SLC35F4: variants seen among roughly 807,000 people sequenced by gnomAD.
The protein encoded by SLC35F4 is chromosome 14 open reading frame 36.
SLC35F4 carries 24 observed loss-of-function variants against 44.2 expected under a neutral mutation model. That is an observed-to-expected ratio of 0.54 (90% CI 0.39 to 0.76). The LOEUF (loss-of-function observed/expected upper bound fraction) is 0.76, where lower values mean the gene tolerates loss of function less well. SLC35F4 is among the 30% of genes least tolerant of loss of function. The probability of loss-of-function intolerance (pLI) is 0.00; values close to 1 mark genes in which losing one functional copy is unlikely to be tolerated. For missense variants in SLC35F4, 562 were observed against 586.1 expected (o/e 0.96, Z 0.42); for synonymous variants, 238 against 223.6 (o/e 1.06, Z -0.57).
At chr14:57,727,103 A>T (rs570005689) in intron 1 of SLC35F4, among the ~76,000 whole-genome samples, 1 of 148,826 alleles carries the variant, frequency 6.7e-6, no homozygotes, top group Non-Finnish European at 1.5e-5. Context: ...GTGAGTTAAT[A>T]CTTAATAAGC....
At chr14:57,595,326 A>T (rs2070427840) in intron 1 of SLC35F4, among the ~76,000 whole-genome samples, 1 of 152,216 alleles carries the variant, frequency 6.6e-6, no homozygotes, top group Non-Finnish European at 1.5e-5. Flanking sequence ...CTCATCATAT[A>T]GTATCAGTCA....
chr14:57,673,371 C>G (rs1032483549), intron 1 of SLC35F4, among the ~76,000 whole-genome samples: 1 of 152,128 alleles, frequency 6.6e-6, no homozygotes, highest in African/African-American at 2.4e-5. Flanking sequence ...CCAACTCCAG[C>G]ACTGTGGAGC....
intron 1 of SLC35F4, among the ~76,000 whole-genome samples, chr14:57,695,993 C>G (rs1057450595): frequency 1.3e-5 from 2 of 152,078 alleles, no homozygotes; most frequent in South Asian, 4.2e-4. Context: ...AGAAGAAAAC[C>G]TAGGCAATAC....
intron 1 of SLC35F4, among the ~76,000 whole-genome samples, chr14:57,797,224 A>G (rs898687042): frequency 1.3e-5 from 2 of 152,194 alleles, no homozygotes; most frequent in South Asian, 2.1e-4. Flanking sequence ...CTCTGCTAGC[A>G]GAGGATGGAC....
intron 1 of SLC35F4, among the ~76,000 whole-genome samples, chr14:57,949,686 A>T (rs1268891245): frequency 6.6e-6 from 1 of 151,960 alleles, no homozygotes; most frequent in Non-Finnish European, 1.5e-5. Context: ...TGAGATTTGG[A>T]ACTTCTTTTA....
chr14:57,846,877 T>C (rs561970534), intron 1 of SLC35F4, among the ~76,000 whole-genome samples: 1 of 152,240 alleles, frequency 6.6e-6, no homozygotes, highest in African/African-American at 2.4e-5. Flanking sequence ...CCAAACAGAC[T>C]CTTGCAACAG....
At chr14:57,590,084 T>G (rs2070063609) in intron 2 of SLC35F4, among the ~76,000 whole-genome samples, 1 of 151,852 alleles carries the variant, frequency 6.6e-6, no homozygotes, top group Non-Finnish European at 1.5e-5. Context: ...TTCCTTTTTT[T>G]TTTTTTTTTA....
downstream of SLC35F4, among the ~76,000 whole-genome samples, chr14:57,976,196 C>T (rs1881210433): frequency 6.6e-6 from 1 of 152,160 alleles, no homozygotes; most frequent in Admixed American, 6.5e-5. Context: ...AATAAATATT[C>T]CTGCTAAACC....
chr14:57,636,438 C>T (rs1022111935), intron 1 of SLC35F4, among the ~76,000 whole-genome samples: 3 of 152,052 alleles, frequency 2.0e-5, no homozygotes, highest in African/African-American at 7.2e-5. Flanking sequence ...ATAAAGAATG[C>T]TCATATACCC....
rs1036306638 is a variant in SLC35F4 at position 57,630,097 on chromosome 14, G to A, written c.104-35973C>T. ...ATTTGAGGATGTTTGTGATGCTGAA[G>A]ATGCTTACATAATTTGGACAGAAAG... is the stretch of plus-strand genomic sequence containing the variant. On this transcript the variant is annotated intron_variant, in intron 1 of 7. Coordinates refer to ENST00000556826, the MANE Select transcript of SLC35F4 (RefSeq NM_001306087.2). The A allele has an allele frequency of 9.2e-6, 5 of 545,100 alleles. No individual in the cohort carries two copies. In the African/African-American group the frequency reaches 9.6e-5, roughly 10 times the overall value. 33.8% of individuals were successfully genotyped at this position (545,100 alleles called of 1,614,324 possible).
At chr14:57,708,934 T>C (rs1300225338) in intron 1 of SLC35F4, among the ~76,000 whole-genome samples, 1 of 152,134 alleles carries the variant, frequency 6.6e-6, no homozygotes, top group Non-Finnish European at 1.5e-5. Flanking sequence ...AGAGACAGCT[T>C]ACACCATTAT....
intron 1 of SLC35F4, among the ~76,000 whole-genome samples, chr14:57,624,619 C>T (rs942011221): frequency 5.3e-5 from 8 of 152,168 alleles, no homozygotes; most frequent in Admixed American, 3.3e-4. Flanking sequence ...TTCAAGTCGG[C>T]TTCATCCCTG....
At chr14:57,811,467 C>A (rs116678345) in intron 1 of SLC35F4, among the ~76,000 whole-genome samples, 1,595 of 152,260 alleles carry the variant, frequency 0.01, 28 homozygotes, top group African/African-American at 0.037. Flanking sequence ...AGCCCTTCCC[C>A]TTTCCACCTT....
intron 1 of SLC35F4, among the ~76,000 whole-genome samples, chr14:57,821,544 G>C (rs1298263561): frequency 6.6e-6 from 1 of 152,198 alleles, no homozygotes; most frequent in East Asian, 1.9e-4. Flanking sequence ...GTGTTAAGGA[G>C]CCTGGAGGAA....
intron 1 of SLC35F4, among the ~76,000 whole-genome samples, chr14:57,757,702 T>C (rs1165540315): frequency 1.3e-5 from 2 of 152,168 alleles, no homozygotes; most frequent in African/African-American, 4.8e-5. Context: ...TTATCATCAT[T>C]CTTACTTCTA....
chr14:57,881,418 A>G (rs951312653), intron 1 of SLC35F4, among the ~76,000 whole-genome samples: 11 of 152,220 alleles, frequency 7.2e-5, no homozygotes, highest in African/African-American at 2.4e-4. Flanking sequence ...TAAGTGAAGT[A>G]TTCCACATAT....
At chr14:57,614,580 A>G (rs1228440120) in intron 1 of SLC35F4, among the ~76,000 whole-genome samples, 1 of 152,254 alleles carries the variant, frequency 6.6e-6, no homozygotes, top group Non-Finnish European at 1.5e-5. Context: ...AATAACTAAG[A>G]ACAAGTTGAA....
At chr14:57,931,763 A>C (rs1474431948) in intron 1 of SLC35F4, among the ~76,000 whole-genome samples, 1 of 152,210 alleles carries the variant, frequency 6.6e-6, no homozygotes, top group African/African-American at 2.4e-5. Context: ...GGAAACACCC[A>C]AAGCCCTGCT....
At chr14:57,637,520 A>G (rs959332330) in intron 1 of SLC35F4, among the ~76,000 whole-genome samples, 1 of 152,130 alleles carries the variant, frequency 6.6e-6, no homozygotes, top group Non-Finnish European at 1.5e-5. Context: ...ATAAAGAAAC[A>G]CACGCAAATG....
Sources: allele counts gnomAD v4.1 joint callset (sites outside exome capture counted in the v4.1 genomes callset), GRCh38; gene constraint gnomAD v4.1.1; transcripts MANE v1.5; gene names NCBI Gene and HGNC (gene_info 2026-07-23, HGNC 2026-07-21).